SIDT1: variants seen among roughly 807,000 people sequenced by gnomAD.
The protein encoded by SIDT1 is SID1 transmembrane family member 1.
In SIDT1, 101 loss-of-function variants were observed where a neutral mutation model predicts 107.5. The observed-to-expected ratio is 0.94, with a 90% CI of 0.80 to 1.11. The LOEUF (loss-of-function observed/expected upper bound fraction) is 1.11, where lower values mean the gene tolerates loss of function less well. Among genes scored for constraint, SIDT1 ranks in the 50% least tolerant of loss-of-function variants. The pLI is 0.00. For missense variants in SIDT1, 1,076 were observed against 1,058.2 expected (o/e 1.02, Z -0.23); for synonymous variants, 395 against 398.2 (o/e 0.99, Z 0.10).
At chr3:113,584,346 A>T (rs1943581078) in intron 7 of SIDT1, among the ~76,000 whole-genome samples, 1 of 152,252 alleles carries the variant, frequency 6.6e-6, no homozygotes, top group Non-Finnish European at 1.5e-5. Flanking sequence ...AGGAAGAGGT[A>T]GCTTCTGTTT....
At chr3:113,581,598 C>T (rs1464785937) in intron 6 of SIDT1, 154 bp downstream of exon 6, 8 of 640,390 alleles carry the variant, frequency 1.2e-5, no homozygotes, top group East Asian at 2.8e-5. Context: ...TCTGGCCAGG[C>T]GCAGTGGCTC....
chr3:113,607,221 C>T (rs1945400873), intron 15 of SIDT1, 107 bp downstream of exon 15: 3 of 715,644 alleles, frequency 4.2e-6, no homozygotes, highest in Non-Finnish European at 7.3e-6. Context: ...GAAAACGACC[C>T]TATTCAAGGG....
chr3:113,559,696 C>G (rs1162465885), intron 1 of SIDT1, among the ~76,000 whole-genome samples: 1 of 152,188 alleles, frequency 6.6e-6, no homozygotes, highest in African/African-American at 2.4e-5. Context: ...CCACACAACT[C>G]AGCCTCCCAA....
At position 113,583,457 on chromosome 3, in the gene SIDT1, C is replaced by T. The variant is rs765639048; in HGVS notation, c.796C>T (p.Pro266Ser). ...GTTCTTCGTGGTATTTGTGATAAAG[C>T]CTGAAGATTATGCCTGTGGAGGATC... Reference protein sequence around the residue: ...EQFFVVFVIKPEDYACGGSFF... With the variant: ...EQFFVVFVIKSEDYACGGSFF... Residue 266 changes from proline to serine, a missense_variant, in exon 7 of 25, where the codon CCT becomes TCT. By Grantham distance (74) the Pro-to-Ser change is moderately conservative. Transcript: ENST00000264852. The T allele has an allele frequency of 1.7e-5, 28 of 1,600,148 alleles. No homozygotes were observed. The highest frequency in any genetic ancestry group is 2.1e-5 in the Non-Finnish European group (24 of 1,170,422).
chr3:113,567,506 T>G, intron 2 of SIDT1, 34 bp from the exon 3 acceptor site: 1 of 1,555,666 alleles, frequency 6.4e-7, no homozygotes, highest in Non-Finnish European at 8.7e-7. Flanking sequence ...TTCTTGTCCT[T>G]GTTTATTTTT....
At chr3:113,624,156 A>G (rs1236809898) in intron 23 of SIDT1, among the ~76,000 whole-genome samples, 1 of 152,246 alleles carries the variant, frequency 6.6e-6, no homozygotes, top group East Asian at 1.9e-4. Flanking sequence ...GGCACAGAAC[A>G]GGAAGAAGTC....
intron 21 of SIDT1, among the ~76,000 whole-genome samples, chr3:113,623,095 G>A (rs989253951): frequency 6.8e-6 from 1 of 147,812 alleles, no homozygotes; most frequent in African/African-American, 2.5e-5. Flanking sequence ...AGAGGTTGAA[G>A]TGGAAGGATC....
chr3:113,533,986 C>T (rs1457615561), intron 1 of SIDT1, among the ~76,000 whole-genome samples: 1 of 152,092 alleles, frequency 6.6e-6, no homozygotes, highest in Admixed American at 6.5e-5. Context: ...ATATATACTC[C>T]GATTATATAA....
chr3:113,585,145 T>G, intron 8 of SIDT1, 32 bp from the exon 9 acceptor site: 14 of 1,478,042 alleles, frequency 9.5e-6, no homozygotes, highest in African/African-American at 1.4e-5. Flanking sequence ...CTGCAGAGGA[T>G]GACCTGACCA....
intron 10 of SIDT1, among the ~76,000 whole-genome samples, chr3:113,593,806 C>A (rs1337329134): frequency 6.6e-6 from 1 of 152,138 alleles, no homozygotes; most frequent in Non-Finnish European, 1.5e-5. Context: ...AAATACTTGA[C>A]CCTAGCAAGT....
chr3:113,592,897 T>C (rs965470222), intron 9 of SIDT1, 108 bp from the exon 10 acceptor site: 3 of 928,476 alleles, frequency 3.2e-6, no homozygotes, highest in Non-Finnish European at 3.6e-6. Context: ...CAAAGACATG[T>C]TTTGAAGAGA....
intron 1 of SIDT1, among the ~76,000 whole-genome samples, chr3:113,561,359 TG>T (rs1430966606): frequency 6.6e-6 from 1 of 152,246 alleles, no homozygotes; most frequent in African/African-American, 2.4e-5. Flanking sequence ...TCTCTGAGTT[TG>T]TTTTTATTAT....
intron 1 of SIDT1, among the ~76,000 whole-genome samples, chr3:113,562,544 G>A (rs1941531277): frequency 6.6e-6 from 1 of 152,188 alleles, no homozygotes; most frequent in Admixed American, 6.5e-5. Flanking sequence ...TAATAAAAAG[G>A]AATGAAGTAC....
intron 21 of SIDT1, among the ~76,000 whole-genome samples, chr3:113,621,987 G>A (rs889699061): frequency 6.6e-6 from 1 of 152,088 alleles, no homozygotes; most frequent in Non-Finnish European, 1.5e-5. Flanking sequence ...CTACCAAATG[G>A]AACAGTGCAG....
intron 21 of SIDT1, 104 bp from the exon 22 acceptor site, chr3:113,623,323 A>T (rs1429866748): frequency 5.0e-6 from 3 of 603,956 alleles, no homozygotes; most frequent in Non-Finnish European, 8.7e-6. Context: ...TTAAAAAAAA[A>T]AAAAGAACCT....
intron 1 of SIDT1, among the ~76,000 whole-genome samples, chr3:113,552,096 T>A (rs1940317027): frequency 6.6e-6 from 1 of 152,186 alleles, no homozygotes; most frequent in African/African-American, 2.4e-5. Flanking sequence ...CACACCTATC[T>A]TAAATAAACG....
Position 113,623,676 on chromosome 3 carries a change from C to T in SIDT1, c.2250C>T (p.Thr750=), listed in dbSNP as rs142301843. 428 of 1,614,034 alleles carry T rather than the reference C, an allele frequency of 2.7e-4. No individual in the cohort carries two copies. Among genetic ancestry groups the T allele is most frequent in the Non-Finnish European group, 3.2e-4 (373 of 1,180,028 alleles). The change falls in exon 23 of 25, where the codon ACC becomes ACT. Residue 750 remains threonine (T), a synonymous_variant. Coordinates refer to ENST00000264852, the MANE Select transcript of SIDT1 (RefSeq NM_017699.3). The part of the protein sequence containing the change: ...LPVPLFCIVA[T]AVMWAAALYF... ...TCCCGCTCTTCTGCATCGTGGCCACCGCTGTGATGTGGGCTGCCGCCCTAT... is the reference window on the plus strand; with the variant it reads ...TCCCGCTCTTCTGCATCGTGGCCACTGCTGTGATGTGGGCTGCCGCCCTAT...
intron 3 of SIDT1, among the ~76,000 whole-genome samples, chr3:113,571,363 G>C (rs927981081): frequency 2.0e-5 from 3 of 152,172 alleles, no homozygotes; most frequent in Non-Finnish European, 2.9e-5. Context: ...GCTGCTGTGA[G>C]CCATGATTGT....
Position 113,566,467 on chromosome 3 carries a change from C to T in SIDT1, c.270C>T (p.Asn90=), listed in dbSNP as rs745561724. ...TGAACAGTTCCTCTGAGAATCTCAA[C>T]TACCCGGTCCTTGTTGTGGTTCGCC... ...VYVNSSSENL[N]YPVLVVVRQQ... is the part of the protein sequence containing the mutation. Residue 90 remains asparagine, a synonymous_variant, in exon 2 of 25, where the codon AAC becomes AAT. Transcript: ENST00000264852. 6.2e-7 allele frequency: 1 copy of T among 1,614,160 alleles called. No individual in the cohort carries two copies.
Sources: allele counts gnomAD v4.1 joint callset (sites outside exome capture counted in the v4.1 genomes callset), GRCh38; gene constraint gnomAD v4.1.1; transcripts MANE v1.5; gene names NCBI Gene and HGNC (gene_info 2026-07-23, HGNC 2026-07-21).